CCDC149: variants seen among roughly 807,000 people sequenced by gnomAD.
The protein encoded by CCDC149 is coiled-coil domain-containing protein 149.
A neutral mutation model predicts 59.9 loss-of-function variants in CCDC149; 45 were observed. That is an observed-to-expected ratio of 0.75 (90% CI 0.59 to 0.96). CCDC149 has a LOEUF of 0.96. Ranked by LOEUF, CCDC149 falls within the 40% of genes least tolerant of loss-of-function variation. The pLI is 0.00. For missense variants in CCDC149, 584 were observed against 664.7 expected, an observed-to-expected ratio of 0.88 and a Z score of 1.33; for synonymous variants, 245 against 260.6, an observed-to-expected ratio of 0.94 and a Z score of 0.58.
chr4:24,816,852 G>A (rs1472440702), intron 12 of CCDC149, among the ~76,000 whole-genome samples: 1 of 152,194 alleles, frequency 6.6e-6, no homozygotes, highest in East Asian at 1.9e-4. Flanking sequence ...CCAAAAACGT[G>A]TCCCCCGCTC....
chr4:24,920,761 C>T (rs1722262315), intron 1 of CCDC149, among the ~76,000 whole-genome samples: 2 of 152,216 alleles, frequency 1.3e-5, no homozygotes, highest in African/African-American at 4.8e-5. Context: ...ATATATATTA[C>T]ACAAGTATTA....
chr4:24,894,178 T>C (rs1374401559), intron 1 of CCDC149, among the ~76,000 whole-genome samples: 1 of 152,196 alleles, frequency 6.6e-6, no homozygotes, highest in African/African-American at 2.4e-5. Flanking sequence ...TCAATGAATG[T>C]TTCCTTTTTC....
chr4:24,953,882 TATA>T, intron 1 of CCDC149, among the ~76,000 whole-genome samples: 1 of 152,064 alleles, frequency 6.6e-6, no homozygotes. Flanking sequence ...TACTGAAAAG[TATA>T]ATAACTGAAA....
intron 1 of CCDC149, among the ~76,000 whole-genome samples, chr4:24,893,612 A>ATTTTTTTTT (rs1560241640): frequency 2.1e-4 from 2 of 9,384 alleles, no homozygotes; most frequent in African/African-American, 3.0e-4. Flanking sequence ...TAAAATACAG[A>ATTTTTTTTT]CTTTTTTTTT....
At chr4:24,823,898 T>C (rs1715562336) in intron 9 of CCDC149, among the ~76,000 whole-genome samples, 1 of 152,230 alleles carries the variant, frequency 6.6e-6, no homozygotes, top group South Asian at 2.1e-4. Flanking sequence ...TGGGTCTCTT[T>C]TGCTTTCATG....
intron 4 of CCDC149, among the ~76,000 whole-genome samples, chr4:24,841,183 G>A (rs375938454): frequency 1.2e-4 from 19 of 152,240 alleles, no homozygotes; most frequent in Middle Eastern, 3.4e-3. Flanking sequence ...TCAGTATGAG[G>A]CCAACAGGAG....
At position 24,949,648 on chromosome 4, in the gene CCDC149, G is replaced by A. The variant is rs181481228; in HGVS notation, c.-65+30421C>T. On this transcript the variant is annotated intron_variant, in intron 1 of 12. Transcript: ENST00000389609. ...ATTTGCAAACACACAAGCCAACTAC[G>A]AAAACCTCAGAGCCAGAAAGAAAGG... is the stretch of plus-strand genomic sequence containing the variant. Among the ~76,000 whole-genome samples, 342 of 152,198 alleles carry A rather than the reference G, an allele frequency of 2.2e-3. 2 individuals carry two copies. The highest frequency in any genetic ancestry group is 7.5e-3 in the African/African-American group (312 of 41,534).
intron 1 of CCDC149, among the ~76,000 whole-genome samples, chr4:24,947,473 A>G (rs1297077174): frequency 6.6e-6 from 1 of 152,196 alleles, no homozygotes; most frequent in East Asian, 1.9e-4. Context: ...TAAATTACCC[A>G]GTCTCAGGTA....
intron 1 of CCDC149, among the ~76,000 whole-genome samples, chr4:24,962,995 A>G (rs1321239507): frequency 6.6e-6 from 1 of 151,984 alleles, no homozygotes; most frequent in East Asian, 1.9e-4. Flanking sequence ...AAAGAAAAAG[A>G]AAAAGAAAAG....
rs535231811 is a variant in CCDC149, at chr4:24,950,648, A to G, written c.-65+29421T>C. On this transcript the variant is annotated intron_variant, in intron 1 of 12. Coordinates refer to the CCDC149 transcript ENST00000389609. ...TCTCCAATCCTCAGTGTTCTCATCT[A>G]TGAAATGGGGATAATTATCGTACTT... Among the ~76,000 whole-genome samples, 3 of 152,388 alleles carry G rather than the reference A, an allele frequency of 2.0e-5. No homozygotes were observed. In the East Asian group the frequency reaches 5.8e-4, roughly 29 times the overall value.
intron 1 of CCDC149, among the ~76,000 whole-genome samples, chr4:24,906,370 A>ATTTTATTTTTATTTTATTTT (rs1721513447): frequency 4.9e-5 from 2 of 40,884 alleles, no homozygotes; most frequent in African/African-American, 1.2e-4. Context: ...AACAAATTTT[A>ATTTTATTTTTATTTTATTTT]TTTTATTTTA....
rs1714337691 is a variant in CCDC149 at position 24,808,253 on chromosome 4, C to T, written c.*136G>A. 2.3e-5 allele frequency: 16 copies of T among 691,566 alleles called. No individual in the cohort carries two copies. In the South Asian group the frequency reaches 5.5e-4, roughly 24 times the overall value. The allele number at this position is 691,566 out of a possible 1,614,324, so 42.8% of individuals were successfully genotyped here. On this transcript the variant is annotated 3_prime_UTR_variant, in exon 13 of 13. Transcript: ENST00000635206. The stretch of plus-strand genomic sequence containing the variant: ...TCATCAGAATATTCACAGTTTGCAA[C>T]AGGATCAGTGCGTTTTCTCACTTGC...
At chr4:24,848,588 A>AC (rs1458200062) in intron 4 of CCDC149, among the ~76,000 whole-genome samples, 3 of 152,040 alleles carry the variant, frequency 2.0e-5, no homozygotes, top group African/African-American at 4.8e-5. Context: ...ATAAATAAAT[A>AC]AATAAATACA....
intron 1 of CCDC149, among the ~76,000 whole-genome samples, chr4:24,905,636 A>T (rs1257842322): frequency 2.0e-5 from 3 of 152,146 alleles, no homozygotes; most frequent in African/African-American, 7.2e-5. Context: ...GGGTTTTGCC[A>T]TGTTGGCCAA....
upstream of CCDC149, among the ~76,000 whole-genome samples, chr4:24,917,542 G>C (rs1434912482): frequency 6.6e-6 from 1 of 152,154 alleles, no homozygotes; most frequent in African/African-American, 2.4e-5. Context: ...AAGATGTCAG[G>C]AGAAAGGAGG....
In CCDC149 at chr4:24,885,428, A is replaced by T. The variant is rs553063306; in HGVS notation, c.64-8731T>A. ...GTTTGATCTGAGCTGTCAGGCCTAC[A>T]GAGAACACACTGGCTTTGCTGTTTC... is the stretch of plus-strand genomic sequence containing the variant. On this transcript the variant is annotated intron_variant, in intron 1 of 12. Coordinates refer to ENST00000635206, the MANE Select transcript of CCDC149 (RefSeq NM_001330643.2). Among the ~76,000 whole-genome samples, 3 of 152,326 alleles carry T rather than the reference A, an allele frequency of 2.0e-5. No individual in the cohort carries two copies. The East Asian group carries it at 5.8e-4, about 29-fold the overall frequency.
At chr4:24,945,335 A>C (rs1488858307) in intron 1 of CCDC149, among the ~76,000 whole-genome samples, 1 of 152,202 alleles carries the variant, frequency 6.6e-6, no homozygotes, top group Non-Finnish European at 1.5e-5. Flanking sequence ...TGTCCTTATA[A>C]AGAGAGGAGA....
upstream of CCDC149, among the ~76,000 whole-genome samples, chr4:24,914,401 A>AG (rs1560254889): frequency 6.6e-6 from 1 of 151,324 alleles, no homozygotes; most frequent in African/African-American, 2.5e-5. Flanking sequence ...AAAAAAAAAA[A>AG]AAAGAAAAAA....
chr4:24,931,439 G>T (rs192632179), intron 1 of CCDC149, among the ~76,000 whole-genome samples: 330 of 151,552 alleles, frequency 2.2e-3, no homozygotes, highest in African/African-American at 7.6e-3. Context: ...CCATTGTGAG[G>T]TGTGTGTGTT....
Sources: allele counts gnomAD v4.1 joint callset (sites outside exome capture counted in the v4.1 genomes callset), GRCh38; gene constraint gnomAD v4.1.1; transcripts MANE v1.5; gene names NCBI Gene and HGNC (gene_info 2026-07-23, HGNC 2026-07-21).